TMEM117: variants seen among roughly 807,000 people sequenced by gnomAD.
TMEM117 encodes transmembrane protein 117.
In TMEM117, 27 loss-of-function variants were observed where a neutral mutation model predicts 52.4. That is an observed-to-expected ratio of 0.51 (90% CI 0.38 to 0.71). The LOEUF is 0.71. TMEM117 is among the 30% of genes least tolerant of loss of function. The probability of loss-of-function intolerance (pLI) is 0.00; values close to 1 mark genes in which losing one functional copy is unlikely to be tolerated. For missense variants in TMEM117, 556 were observed against 630.5 expected (o/e 0.88, Z 1.26); for synonymous variants, 215 against 206.3 (o/e 1.04, Z -0.36).
At chr12:44,181,574 C>G (rs907960366) in intron 4 of TMEM117, among the ~76,000 whole-genome samples, 5 of 151,980 alleles carry the variant, frequency 3.3e-5, no homozygotes, top group Non-Finnish European at 7.4e-5. Flanking sequence ...CTACATATGG[C>G]TAGCCAGTTT....
At chr12:44,225,738 C>T (rs577661171) in intron 5 of TMEM117, among the ~76,000 whole-genome samples, 9 of 152,190 alleles carry the variant, frequency 5.9e-5, no homozygotes, top group African/African-American at 1.9e-4. Flanking sequence ...CTTATAAATC[C>T]GTCCTCGCTG....
chr12:44,003,384 C>T (rs535503701), intron 3 of TMEM117, among the ~76,000 whole-genome samples: 2 of 152,354 alleles, frequency 1.3e-5, no homozygotes, highest in African/African-American at 4.8e-5. Context: ...CCACCGCAAA[C>T]AATGGCATTC....
chr12:44,075,835 A>C (rs993853199), intron 3 of TMEM117, among the ~76,000 whole-genome samples: 3 of 152,148 alleles, frequency 2.0e-5, no homozygotes, highest in African/African-American at 7.2e-5. Context: ...CTTGTTTTGA[A>C]ACTGTGGCCA....
At chr12:43,824,520 T>C in the TMEM117 span, among the ~76,000 whole-genome samples, 1 of 152,072 alleles carries the variant, frequency 6.6e-6, no homozygotes. Flanking sequence ...GCAGATAAGG[T>C]GGAGCCTGTT....
At chr12:43,971,327 T>TA (rs1421830458) in intron 3 of TMEM117, among the ~76,000 whole-genome samples, 4 of 152,176 alleles carry the variant, frequency 2.6e-5, no homozygotes, top group African/African-American at 9.7e-5. Flanking sequence ...CTGAACAACT[T>TA]ATCATTGTCT....
chr12:43,840,398 A>G (rs899615942), intron 1 of TMEM117, among the ~76,000 whole-genome samples: 1 of 152,202 alleles, frequency 6.6e-6, no homozygotes, highest in Non-Finnish European at 1.5e-5. Context: ...TTAGCCTTAG[A>G]AATATTAATT....
intron 4 of TMEM117, among the ~76,000 whole-genome samples, chr12:44,156,931 C>A (rs1029208149): frequency 6.6e-6 from 1 of 152,032 alleles, no homozygotes; most frequent in Non-Finnish European, 1.5e-5. Context: ...ACTCTGGGTT[C>A]CTTTTGATGC....
At chr12:43,797,477 T>A in the TMEM117 span, 1 of 1,534,948 alleles carries the variant, frequency 6.5e-7, no homozygotes, top group South Asian at 1.2e-5. Context: ...CAAAATATGT[T>A]CATTAAAACC....
intron 2 of TMEM117, among the ~76,000 whole-genome samples, chr12:43,929,623 A>G (rs1393219056): frequency 6.6e-6 from 1 of 152,164 alleles, no homozygotes; most frequent in Admixed American, 6.5e-5. Flanking sequence ...CATGACAGTC[A>G]GGATAACCAT....
At chr12:44,086,230 T>C in intron 3 of TMEM117, among the ~76,000 whole-genome samples, 1 of 151,194 alleles carries the variant, frequency 6.6e-6, no homozygotes. Context: ...TTTTTTTTTT[T>C]TTGAGATGGA....
chr12:44,364,729 A>G (rs1951767080), intron 6 of TMEM117, among the ~76,000 whole-genome samples: 2 of 152,114 alleles, frequency 1.3e-5, no homozygotes, highest in Non-Finnish European at 2.9e-5. Flanking sequence ...TTAGGTTTCT[A>G]TGCCAAAAAA....
At chr12:44,234,972 T>C (rs1193388068) in intron 5 of TMEM117, among the ~76,000 whole-genome samples, 1 of 151,604 alleles carries the variant, frequency 6.6e-6, no homozygotes, top group Non-Finnish European at 1.5e-5. Flanking sequence ...ATTAACTGTG[T>C]TCAATTCATC....
intron 7 of TMEM117, 36 bp from the exon 8 acceptor site, chr12:44,387,990 C>T (rs1204151732): frequency 6.5e-7 from 1 of 1,546,158 alleles, no homozygotes; most frequent in East Asian, 2.3e-5. Flanking sequence ...AATTTTATGG[C>T]CCTTTGATTA....
Position 43,897,751 on chromosome 12 carries a change from C to T in TMEM117, c.278-46459C>T, listed in dbSNP as rs113905013. ...GCCTCCTGGGTAGCTGGACCACAGG[C>T]GCGTGCCACCATGCCCAGCTAATTT... On this transcript the variant is annotated intron_variant, in intron 2 of 7. Coordinates refer to ENST00000266534, the MANE Select transcript of TMEM117 (RefSeq NM_032256.3). Among the ~76,000 whole-genome samples, 495 of 148,222 alleles carry T rather than the reference C, an allele frequency of 3.3e-3. 5 individuals are homozygous for T. The highest frequency in any genetic ancestry group is 1.0e-2 in the African/African-American group (405 of 40,598).
At chr12:44,212,189 A>G (rs1388621794) in intron 5 of TMEM117, among the ~76,000 whole-genome samples, 1 of 152,228 alleles carries the variant, frequency 6.6e-6, no homozygotes, top group Admixed American at 6.5e-5. Flanking sequence ...GAAATAAACC[A>G]TACATACATT....
At position 44,187,149 on chromosome 12, in the gene TMEM117, T is replaced by A. The variant is rs4768549; in HGVS notation, c.511-24141T>A. 2.0e-3 allele frequency among the ~76,000 whole-genome samples: 299 copies of A among 152,278 alleles called. 1 individual carries two copies. The highest frequency in any genetic ancestry group is 3.4e-3 in the Non-Finnish European group (230 of 67,994). On this transcript the variant is annotated intron_variant, in intron 4 of 7. Transcript: ENST00000266534. Reference sequence around the variant, plus strand: ...CACTAGGGAGGCTTCTTATAACTATTTAATATATATGTGCTTTTTCATTAT... The same window carrying A: ...CACTAGGGAGGCTTCTTATAACTATATAATATATATGTGCTTTTTCATTAT...
chr12:43,997,545 C>T (rs762847801), intron 3 of TMEM117, among the ~76,000 whole-genome samples: 1 of 152,146 alleles, frequency 6.6e-6, no homozygotes, highest in African/African-American at 2.4e-5. Flanking sequence ...TCTTCCTTTG[C>T]ATCCTCCAAT....
intron 3 of TMEM117, among the ~76,000 whole-genome samples, chr12:44,064,766 T>C (rs1947195980): frequency 6.6e-6 from 1 of 152,150 alleles, no homozygotes; most frequent in Non-Finnish European, 1.5e-5. Flanking sequence ...TGGAGAGATG[T>C]AGGTCAAAGG....
At chr12:43,809,241 A>G in the TMEM117 span, among the ~76,000 whole-genome samples, 1 of 152,146 alleles carries the variant, frequency 6.6e-6, no homozygotes. Context: ...CTGAATTGAA[A>G]CCTTTTTGAT....
Sources: gnomAD v4.1 joint callset for allele counts (sites outside exome capture counted in the v4.1 genomes callset) on GRCh38, gnomAD v4.1.1 for gene constraint, MANE v1.5 for transcripts, NCBI Gene and HGNC (gene_info 2026-07-23, HGNC 2026-07-21) for gene names.